DNAI4: variants seen among roughly 807,000 people sequenced by gnomAD.
The protein encoded by DNAI4 is dynein axonemal intermediate chain 4.
Under a neutral mutation model 105.8 loss-of-function variants are expected in DNAI4, and 85 were observed. That is an observed-to-expected ratio of 0.80 (90% confidence interval 0.67 to 0.96). DNAI4 has a LOEUF of 0.96. DNAI4 is among the 40% of genes least tolerant of loss of function. DNAI4 has a pLI of 0.00. For synonymous variants in DNAI4, 352 were observed against 331.5 expected (o/e 1.06, Z -0.67); for missense variants, 1,014 against 1,005.6 (o/e 1.01, Z -0.11).
chr1:66,822,075 A>G, intron 16 of DNAI4, among the ~76,000 whole-genome samples: 1 of 152,236 alleles, frequency 6.6e-6, no homozygotes, highest in East Asian at 1.9e-4. Context: ...ATTAAGTCCC[A>G]ATTACATACT....
At chr1:66,822,801 T>A (rs1350263516) in intron 15 of DNAI4, among the ~76,000 whole-genome samples, 1 of 152,168 alleles carries the variant, frequency 6.6e-6, no homozygotes, top group African/African-American at 2.4e-5. Flanking sequence ...TCCACTTAGC[T>A]AGGCTATGGT....
chr1:66,902,419 T>C (rs1034892987), intron 2 of DNAI4, among the ~76,000 whole-genome samples: 4 of 152,200 alleles, frequency 2.6e-5, no homozygotes, highest in African/African-American at 4.8e-5. Context: ...GCTGTTTCTT[T>C]GTTGTCAATT....
intron 16 of DNAI4, 39 bp downstream of exon 16, chr1:66,822,322 T>C (rs765195779): frequency 5.8e-6 from 9 of 1,547,894 alleles, no homozygotes; most frequent in Non-Finnish European, 7.9e-6. Flanking sequence ...CTGAATAGAC[T>C]AATAAAATGA....
intron 4 of DNAI4, among the ~76,000 whole-genome samples, chr1:66,882,661 A>G (rs2100717884): frequency 6.6e-6 from 1 of 152,014 alleles, no homozygotes; most frequent in South Asian, 2.1e-4. Flanking sequence ...TGAGCTCTGT[A>G]TTCCATTTTA....
intron 10 of DNAI4, among the ~76,000 whole-genome samples, chr1:66,836,291 AGAAAGAAAGAAAG>A (rs1206778650): frequency 6.6e-6 from 1 of 150,684 alleles, no homozygotes; most frequent in African/African-American, 2.4e-5. Context: ...AAAGAAAGAA[AGAAAGAAAGAAAG>A]AAAGAAAGAA....
intron 3 of DNAI4, among the ~76,000 whole-genome samples, chr1:66,892,967 AAG>A (rs1204093005): frequency 2.3e-5 from 3 of 131,580 alleles, no homozygotes; most frequent in African/African-American, 1.0e-4. Context: ...GAAAGAAAGA[AAG>A]AAAGAAAGAA....
intron 15 of DNAI4, among the ~76,000 whole-genome samples, chr1:66,822,965 T>A (rs985353018): frequency 8.5e-5 from 13 of 152,098 alleles, no homozygotes; most frequent in Admixed American, 4.6e-4. Context: ...TGTGCAGGTT[T>A]GTTACATAGG....
chr1:66,910,390 T>A (rs188327551), intron 1 of DNAI4, among the ~76,000 whole-genome samples: 35 of 152,374 alleles, frequency 2.3e-4, no homozygotes, highest in African/African-American at 7.9e-4. Flanking sequence ...GATCTCTTCC[T>A]TGTTTACTCT....
At chr1:66,824,413 G>A (rs1225649532) in intron 15 of DNAI4, among the ~76,000 whole-genome samples, 5 of 152,060 alleles carry the variant, frequency 3.3e-5, no homozygotes, top group Admixed American at 1.3e-4. Flanking sequence ...GGTTCCATAC[G>A]AACTTTAAAG....
At chr1:66,837,620 A>G (rs6698076) in intron 10 of DNAI4, 90 bp downstream of exon 10, 521,727 of 1,351,246 alleles carry the variant, frequency 0.39, 104,660 homozygotes, top group East Asian at 0.65. Context: ...AATTTTCTAG[A>G]CTTTATTTAA....
chr1:66,840,593 T>A lies in DNAI4; in HGVS notation c.1370A>T (p.Glu457Val). The A allele has an allele frequency of 4.3e-6, 7 of 1,614,184 alleles. No homozygotes were observed. Among genetic ancestry groups the A allele is most frequent in the Non-Finnish European group, 5.9e-6 (7 of 1,180,020 alleles). The change falls in exon 9 of 17, where the codon GAG becomes GTG. Residue 457 changes from glutamate (E) to valine (V), a missense_variant. By Grantham distance (121) the Glu-to-Val change is moderately radical (BLOSUM62 -2). Transcript: ENST00000371026. ...EEVEEESKKEEEEEIHAEEST... is the reference protein window; with the variant it reads ...EEVEEESKKEVEEEIHAEEST... Reference sequence around the variant, plus strand: ...TTCTTCTGCATGTATTTCTTCTTCCTCCTCCTTCTTAGATTCTTCCTCTAC... The same window carrying A: ...TTCTTCTGCATGTATTTCTTCTTCCACCTCCTTCTTAGATTCTTCCTCTAC...
intron 15 of DNAI4, among the ~76,000 whole-genome samples, chr1:66,826,305 T>A (rs1645752267): frequency 6.6e-6 from 1 of 151,610 alleles, no homozygotes; most frequent in African/African-American, 2.4e-5. Flanking sequence ...CTTTCTTTAG[T>A]CTTTTTTTTT....
intron 1 of DNAI4, among the ~76,000 whole-genome samples, chr1:66,922,332 T>TGA (rs10701425): frequency 0.78 from 117,996 of 151,466 alleles, 46,298 homozygotes; most frequent in East Asian, 0.88. Flanking sequence ...TTTGACACAG[T>TGA]TACCTAAAGG....
At chr1:66,888,315 C>T (rs559007320) in intron 4 of DNAI4, among the ~76,000 whole-genome samples, 10 of 152,058 alleles carry the variant, frequency 6.6e-5, no homozygotes, top group Non-Finnish European at 1.0e-4. Flanking sequence ...CGAGGAAGCA[C>T]TGTTCTGGTC....
rs549633040 is a variant in DNAI4, at chr1:66,917,715, C to T, written c.170+6947G>A. Among the ~76,000 whole-genome samples the T allele has an allele frequency of 5.3e-5, 8 of 152,284 alleles. No homozygotes were observed. In the South Asian group the frequency reaches 1.7e-3, roughly 32 times the overall value. ...TTTGTTTTTCACTACCTGATTTCTC[C>T]AGAATTTGGAAATATTTGTGAGTAT... On this transcript the variant is annotated intron_variant, in intron 1 of 16. Coordinates refer to ENST00000371026, the MANE Select transcript of DNAI4 (RefSeq NM_024763.5).
rs552850641 is a variant in DNAI4 at position 66,891,843 on chromosome 1, C to T, written c.531-577G>A. 5.9e-5 allele frequency among the ~76,000 whole-genome samples: 9 copies of T among 152,298 alleles called. No individual in the cohort carries two copies. The East Asian group carries it at 1.5e-3, about 26-fold the overall frequency. ...TTACCAATACATTTAGTACAAAAAT[C>T]CAAAATACAGTCAACCTACCCAGCA... On this transcript the variant is annotated intron_variant, in intron 3 of 16. Coordinates refer to ENST00000371026, the MANE Select transcript of DNAI4 (RefSeq NM_024763.5).
At chr1:66,916,069 A>G (rs1442206360) in intron 1 of DNAI4, among the ~76,000 whole-genome samples, 1 of 141,968 alleles carries the variant, frequency 7.0e-6, no homozygotes, top group Non-Finnish European at 1.5e-5. Flanking sequence ...TGGGCAACAG[A>G]GCAAGACTCT....
chr1:66,875,109 G>A (rs1023568241), intron 4 of DNAI4, among the ~76,000 whole-genome samples, 172 bp from the exon 5 acceptor site: 3 of 152,098 alleles, frequency 2.0e-5, no homozygotes, highest in African/African-American at 7.2e-5. Flanking sequence ...AAGCCAAATT[G>A]GATCTTGTAG....
chr1:66,917,039 A>C (rs982360158), intron 1 of DNAI4, among the ~76,000 whole-genome samples: 5 of 152,186 alleles, frequency 3.3e-5, no homozygotes, highest in African/African-American at 1.2e-4. Flanking sequence ...TCCTGACCTA[A>C]TTAATCCTTT....
Sources: gnomAD v4.1 joint callset for allele counts (sites outside exome capture counted in the v4.1 genomes callset) on GRCh38, gnomAD v4.1.1 for gene constraint, MANE v1.5 for transcripts, NCBI Gene and HGNC (gene_info 2026-07-23, HGNC 2026-07-21) for gene names.